Variants in USP32 observed in about 807,000 individuals in gnomAD.
USP32 encodes the protein ubiquitin carboxyl-terminal hydrolase 32.
A neutral mutation model predicts 204.8 loss-of-function variants in USP32; 59 were observed. The ratio of observed to expected loss-of-function variants is 0.29; its 90% CI spans 0.23 to 0.36. The LOEUF (loss-of-function observed/expected upper bound fraction) is 0.36. Among genes scored for constraint, USP32 ranks in the 10% least tolerant of loss-of-function variants. The pLI is 1.00. For synonymous variants in USP32, 517 were observed against 678.4 expected (o/e 0.76, Z 3.70); for missense variants, 1,160 against 1,946.4 (o/e 0.60, Z 7.60).
chr17:60,345,466 G>C lies in USP32; in HGVS notation c.186+15C>G. On this transcript the variant is annotated intron_variant, in intron 2 of 33. Coordinates refer to ENST00000300896, the MANE Select transcript of USP32 (RefSeq NM_032582.4). Reference sequence around the variant, plus strand: ...GATAACTACCTCAAAGGAAAACTTAGAACAAAAAGATTACCTCAGCAACCT... The same window carrying C: ...GATAACTACCTCAAAGGAAAACTTACAACAAAAAGATTACCTCAGCAACCT... 6.2e-7 allele frequency: 1 copy of C among 1,612,818 alleles called. No homozygotes were observed. The highest frequency in any genetic ancestry group is 8.5e-7 in the Non-Finnish European group (1 of 1,179,556).
chr17:60,421,959 G>C, intron 1 of USP32: 1 of 985,228 alleles, frequency 1.0e-6, no homozygotes, highest in African/African-American at 1.7e-5. Flanking sequence ...TACAGAGCCC[G>C]TAGGCACTGG....
At chr17:60,208,609 T>G (rs1394508856) in intron 23 of USP32, 45 bp downstream of exon 23, 1 of 1,456,326 alleles carries the variant, frequency 6.9e-7, no homozygotes, top group Non-Finnish European at 9.1e-7. Flanking sequence ...TTAAATAAAG[T>G]AAATTTAATG....
intron 1 of USP32, among the ~76,000 whole-genome samples, chr17:60,348,249 G>A (rs1029346693): frequency 2.0e-5 from 3 of 152,078 alleles, no homozygotes; most frequent in Non-Finnish European, 2.9e-5. Context: ...GAGGTTGATA[G>A]GAGTCATCAG....
At chr17:60,307,125 A>T (rs995536163) in intron 2 of USP32, among the ~76,000 whole-genome samples, 5 of 150,442 alleles carry the variant, frequency 3.3e-5, no homozygotes, top group African/African-American at 1.2e-4. Flanking sequence ...CTTTTGAGAC[A>T]GTCTTGCTGT....
chr17:60,228,881 T>G (rs942477298), intron 12 of USP32, among the ~76,000 whole-genome samples: 1 of 151,798 alleles, frequency 6.6e-6, no homozygotes, highest in African/African-American at 2.4e-5. Flanking sequence ...TTGCCCAGGC[T>G]GGTCTCAAAC....
At chr17:60,398,418 A>AG (rs2089913916) in intron 1 of USP32, among the ~76,000 whole-genome samples, 1 of 151,882 alleles carries the variant, frequency 6.6e-6, no homozygotes, top group South Asian at 2.1e-4. Context: ...AGAAAAAAAA[A>AG]GGTGTTTTGG....
At chr17:60,398,433 C>G (rs1317010693) in intron 1 of USP32, among the ~76,000 whole-genome samples, 1 of 151,758 alleles carries the variant, frequency 6.6e-6, no homozygotes, top group Admixed American at 6.6e-5. Context: ...TTTTGGCAAC[C>G]CTGTTTAGTC....
rs746366443 is a variant in USP32 at position 60,294,659 on chromosome 17, T to G, written c.411+24A>C. ...TTAATACTTTGTCAATGAAAAGGGA[T>G]AAAATGTAAATCTTTAACTATACCT... On this transcript the variant is annotated intron_variant, in intron 4 of 33. Transcript: ENST00000300896. 5.4e-6 allele frequency: 8 copies of G among 1,492,446 alleles called. No homozygotes were observed. In the East Asian group the frequency reaches 6.8e-5, roughly 13 times the overall value. The allele number at this position is 1,492,446 out of a possible 1,614,324, so 92.5% of individuals were successfully genotyped here. A position where few individuals can be genotyped will look rare whatever the true frequency, so the allele number is the denominator to read the frequency against.
intron 1 of USP32, among the ~76,000 whole-genome samples, chr17:60,389,506 G>T (rs1020478692): frequency 6.6e-6 from 1 of 151,344 alleles, no homozygotes; most frequent in Non-Finnish European, 1.5e-5. Context: ...TCACGCCACT[G>T]CACTCCAGCC....
intron 2 of USP32, among the ~76,000 whole-genome samples, chr17:60,320,292 A>G (rs567046296): frequency 6.6e-6 from 1 of 152,292 alleles, no homozygotes; most frequent in African/African-American, 2.4e-5. Flanking sequence ...ATACCCCAAA[A>G]CATTTCTAAT....
At chr17:60,197,328 G>T (rs1201262110) in intron 27 of USP32, among the ~76,000 whole-genome samples, 2 of 152,200 alleles carry the variant, frequency 1.3e-5, no homozygotes, top group African/African-American at 4.8e-5. Context: ...CTACAGGCCG[G>T]GTGTGGTGGC....
chr17:60,228,031 T>C (rs1363016523), intron 12 of USP32, among the ~76,000 whole-genome samples: 4 of 144,534 alleles, frequency 2.8e-5, no homozygotes, highest in African/African-American at 1.0e-4. Context: ...GTCAAAATTC[T>C]TTTTTTTTTT....
upstream of USP32, among the ~76,000 whole-genome samples, chr17:60,397,020 C>T (rs2146156210): frequency 6.6e-6 from 1 of 152,310 alleles, no homozygotes; most frequent in South Asian, 2.1e-4. Flanking sequence ...CCTTTTAGTT[C>T]TCCTTGATCT....
chr17:60,344,433 T>A (rs925717235), intron 2 of USP32, among the ~76,000 whole-genome samples: 3 of 152,006 alleles, frequency 2.0e-5, no homozygotes, highest in Non-Finnish European at 2.9e-5. Flanking sequence ...CAGCCATAGT[T>A]TTTATTATCT....
intron 1 of USP32, among the ~76,000 whole-genome samples, chr17:60,354,212 T>C (rs953986965): frequency 1.3e-5 from 2 of 152,260 alleles, no homozygotes; most frequent in Non-Finnish European, 2.9e-5. Flanking sequence ...TAACTTTTTT[T>C]CAAAGGTAAT....
chr17:60,208,373 T>C (rs2084882877), intron 23 of USP32, among the ~76,000 whole-genome samples, 163 bp from the exon 24 acceptor site: 1 of 152,070 alleles, frequency 6.6e-6, no homozygotes, highest in Non-Finnish European at 1.5e-5. Context: ...TTAGGGATAA[T>C]ATTAAGTGAA....
chr17:60,256,781 A>T (rs984792616), intron 9 of USP32: 3 of 1,186,036 alleles, frequency 2.5e-6, no homozygotes. Flanking sequence ...GTATACAAAA[A>T]ACTGGTGAAG....
intron 1 of USP32, among the ~76,000 whole-genome samples, chr17:60,405,854 C>T (rs570862912): frequency 6.6e-6 from 1 of 152,074 alleles, no homozygotes; most frequent in African/African-American, 2.4e-5. Context: ...GAATTTTATT[C>T]TTTCAAAGGT....
chr17:60,322,679 C>T (rs2088142512), intron 2 of USP32, among the ~76,000 whole-genome samples: 1 of 152,034 alleles, frequency 6.6e-6, no homozygotes, highest in South Asian at 2.1e-4. Context: ...ATTTATAGAA[C>T]CACCATATAA....
Sources: gnomAD v4.1 joint callset for allele counts (sites outside exome capture counted in the v4.1 genomes callset) on GRCh38, gnomAD v4.1.1 for gene constraint, MANE v1.5 for transcripts, NCBI Gene and HGNC (gene_info 2026-07-23, HGNC 2026-07-21) for gene names.